ARPP21: variants seen among roughly 807,000 people sequenced by gnomAD.
ARPP21 encodes the protein cAMP regulated phosphoprotein 21.
ARPP21 carries 69 observed loss-of-function variants against 113.2 expected under a neutral mutation model. The ratio of observed to expected loss-of-function variants is 0.61; its 90% confidence interval spans 0.50 to 0.74. The LOEUF (loss-of-function observed/expected upper bound fraction) is 0.74, where lower values mean the gene tolerates loss of function less well. ARPP21 is among the 30% of genes least tolerant of loss of function. The probability of loss-of-function intolerance (pLI) is 0.00; values close to 1 mark genes in which losing one functional copy is unlikely to be tolerated. For synonymous variants in ARPP21, 368 were observed against 375.5 expected (o/e 0.98, Z 0.23); for missense variants, 1,070 against 1,037.4 (o/e 1.03, Z -0.43).
At chr3:35,710,230 CATTGTTGGAGGTCTGGATGCA>C (rs1326338641) in intron 11 of ARPP21, among the ~76,000 whole-genome samples, 2 of 151,968 alleles carry the variant, frequency 1.3e-5, no homozygotes, top group Non-Finnish European at 2.9e-5. Context: ...TGGAAGTTAC[CATTGTTGGAGGTCTGGATGCA>C]ATTTTAGGAG....
At chr3:35,668,869 T>C (rs187302840) in intron 1 of ARPP21, among the ~76,000 whole-genome samples, 3 of 152,296 alleles carry the variant, frequency 2.0e-5, no homozygotes, top group East Asian at 3.9e-4. Context: ...TATGTAATCT[T>C]TGAGGCATAG....
intron 19 of ARPP21, chr3:35,744,436 A>G (rs1256609495): frequency 2.1e-5 from 11 of 519,214 alleles, no homozygotes; most frequent in African/African-American, 5.9e-5. Flanking sequence ...GTTCACTTTC[A>G]TGATGGCCAC....
At chr3:35,748,110 G>GAAGA (rs145851636) in intron 19 of ARPP21, among the ~76,000 whole-genome samples, 3 of 95,904 alleles carry the variant, frequency 3.1e-5, no homozygotes, top group South Asian at 3.6e-4. Context: ...AAGAAAGAAA[G>GAAGA]AAGAAAGAAA....
chr3:35,670,473 T>C (rs2076051274), intron 1 of ARPP21, among the ~76,000 whole-genome samples: 1 of 152,102 alleles, frequency 6.6e-6, no homozygotes, highest in African/African-American at 2.4e-5. Flanking sequence ...GCTTTTTAGG[T>C]AGAGCATGCT....
At chr3:35,737,109 C>A in intron 15 of ARPP21, 69 bp from the exon 16 acceptor site, 1 of 913,350 alleles carries the variant, frequency 1.1e-6, no homozygotes, top group Non-Finnish European at 1.8e-6. Context: ...GAGTATCTAA[C>A]AGAGTGGTTC....
At chr3:35,668,023 GAAGAAGA>G (rs2075298242) in intron 1 of ARPP21, among the ~76,000 whole-genome samples, 4 of 146,744 alleles carry the variant, frequency 2.7e-5, no homozygotes, top group African/African-American at 7.6e-5. Flanking sequence ...AGAAGAAGAA[GAAGAAGA>G]AGGAGAAGAA....
chr3:35,709,689 A>G (rs1309196023), intron 11 of ARPP21, among the ~76,000 whole-genome samples: 11 of 152,194 alleles, frequency 7.2e-5, no homozygotes, highest in Non-Finnish European at 1.5e-5. Context: ...AATGCAATTA[A>G]TTAAACATTA....
intron 19 of ARPP21, among the ~76,000 whole-genome samples, chr3:35,780,721 G>C (rs887918156): frequency 6.6e-6 from 1 of 152,128 alleles, no homozygotes; most frequent in African/African-American, 2.4e-5. Flanking sequence ...GCATATGTTT[G>C]AGCCGCAACC....
intron 19 of ARPP21, among the ~76,000 whole-genome samples, chr3:35,762,126 T>TCTCACACA (rs1424526664): frequency 1.6e-5 from 2 of 126,956 alleles, no homozygotes; most frequent in African/African-American, 2.8e-5. Flanking sequence ...TCTCTCTCTC[T>TCTCACACA]CACACACACA....
intron 9 of ARPP21, among the ~76,000 whole-genome samples, chr3:35,701,960 T>C (rs1023589262): frequency 1.3e-5 from 2 of 151,802 alleles, no homozygotes; most frequent in African/African-American, 4.8e-5. Context: ...AATATGTGAA[T>C]ATGTTAAATA....
chr3:35,641,850 C>T (rs1401481380), intron 1 of ARPP21: 1 of 152,078 alleles, frequency 6.6e-6, no homozygotes, highest in African/African-American at 2.4e-5. Context: ...GATATGGAAA[C>T]ATAATTGATT....
intron 5 of ARPP21, among the ~76,000 whole-genome samples, chr3:35,687,471 G>C (rs541960549): frequency 1.1e-3 from 163 of 151,124 alleles, no homozygotes; most frequent in Middle Eastern, 3.4e-3. Context: ...TAAGTATTGT[G>C]ATCTACAGGA....
intron 11 of ARPP21, among the ~76,000 whole-genome samples, chr3:35,714,440 G>A (rs2092019660): frequency 6.6e-6 from 1 of 152,020 alleles, no homozygotes; most frequent in South Asian, 2.1e-4. Flanking sequence ...TACTTCTTTA[G>A]TTTTATTTTA....
At chr3:35,780,466 C>G (rs1417942125) in intron 19 of ARPP21, among the ~76,000 whole-genome samples, 1 of 152,046 alleles carries the variant, frequency 6.6e-6, no homozygotes, top group African/African-American at 2.4e-5. Flanking sequence ...ATCCTGACAC[C>G]TTTTGATGAA....
intron 15 of ARPP21, among the ~76,000 whole-genome samples, chr3:35,730,202 A>AT (rs1183943884): frequency 6.6e-6 from 1 of 152,048 alleles, no homozygotes; most frequent in African/African-American, 2.4e-5. Flanking sequence ...TTAATTTTGC[A>AT]TTTTTCTAGT....
At chr3:35,762,890 A>G (rs2095833724) in intron 19 of ARPP21, among the ~76,000 whole-genome samples, 1 of 152,110 alleles carries the variant, frequency 6.6e-6, no homozygotes, top group Non-Finnish European at 1.5e-5. Context: ...AGATTATTCA[A>G]TGCTGGTGAG....
intron 19 of ARPP21, among the ~76,000 whole-genome samples, chr3:35,750,673 C>T (rs2095369745): frequency 1.3e-5 from 2 of 152,020 alleles, no homozygotes; most frequent in South Asian, 4.1e-4. Context: ...ATTCACAACC[C>T]CACCATAAGA....
chr3:35,695,005 A>C (rs1417095068), intron 9 of ARPP21, among the ~76,000 whole-genome samples: 1 of 149,604 alleles, frequency 6.7e-6, no homozygotes, highest in Non-Finnish European at 1.5e-5. Flanking sequence ...ATAAATATAA[A>C]AATGTAAGCT....
Position 35,738,239 on chromosome 3 carries a change from C to A in ARPP21, c.1670C>A (p.Ser557Tyr). 1 of 1,536,322 alleles carries A rather than the reference C, an allele frequency of 6.5e-7. No homozygotes were observed. Among genetic ancestry groups the A allele is most frequent in the South Asian group, 1.2e-5 (1 of 84,048 alleles). The change falls in exon 17 of 21, where the codon TCC becomes TAC. Residue 557 changes from serine to tyrosine, a missense_variant. Transcript: ENST00000684406. ...TQSVQGLQASSQSVQYPAVSF... is the reference protein window; with the variant it reads ...TQSVQGLQASYQSVQYPAVSF... ...TCTGTCCAGGGGCTGCAGGCTTCCT[C>A]CCAGTCAGTGCAATATCCAGCAGTC...
Sources: gnomAD v4.1 joint callset for allele counts (sites outside exome capture counted in the v4.1 genomes callset) on GRCh38, gnomAD v4.1.1 for gene constraint, MANE v1.5 for transcripts, NCBI Gene and HGNC (gene_info 2026-07-23, HGNC 2026-07-21) for gene names.